Variants in UNC5C observed in about 807,000 individuals in gnomAD.
The protein encoded by UNC5C is unc-5 netrin receptor C.
A neutral mutation model predicts 99.8 loss-of-function variants in UNC5C; 47 were observed. That is an observed-to-expected ratio of 0.47 (90% confidence interval 0.37 to 0.60). The LOEUF (loss-of-function observed/expected upper bound fraction) is 0.60. UNC5C is among the 20% of genes least tolerant of loss of function. The pLI is 0.00. For missense variants in UNC5C, 1,062 were observed against 1,165.9 expected, an observed-to-expected ratio of 0.91 and a Z score of 1.30; for synonymous variants, 487 against 452.2, an observed-to-expected ratio of 1.08 and a Z score of -0.98.
intron 1 of UNC5C, among the ~76,000 whole-genome samples, chr4:95,401,314 T>G (rs1018690094): frequency 1.1e-4 from 16 of 152,116 alleles, no homozygotes; most frequent in Non-Finnish European, 2.2e-4. Flanking sequence ...TTTTTATTTT[T>G]TTGAGACAGA....
At chr4:95,526,944 G>A (rs1471907275) in intron 1 of UNC5C, among the ~76,000 whole-genome samples, 1 of 152,014 alleles carries the variant, frequency 6.6e-6, no homozygotes, top group East Asian at 1.9e-4. Context: ...AAAAGAATAT[G>A]TAGCACTAAA....
At chr4:95,209,902 T>C (rs2149363633) in intron 10 of UNC5C, among the ~76,000 whole-genome samples, 1 of 152,344 alleles carries the variant, frequency 6.6e-6, no homozygotes, top group South Asian at 2.1e-4. Flanking sequence ...GTTACAAGTG[T>C]ACCTTGAGAA....
intron 2 of UNC5C, among the ~76,000 whole-genome samples, chr4:95,302,882 A>G (rs35418982): frequency 6.6e-6 from 1 of 152,186 alleles, no homozygotes; most frequent in East Asian, 1.9e-4. Flanking sequence ...TATCATGTTA[A>G]CAATGCATTA....
intron 1 of UNC5C, among the ~76,000 whole-genome samples, chr4:95,374,091 G>C (rs963657450): frequency 1.4e-4 from 21 of 152,064 alleles, no homozygotes; most frequent in Non-Finnish European, 2.1e-4. Context: ...GGAAGGAGAT[G>C]TCAAAGCAAC....
chr4:95,203,638 T>A (rs1378261421), intron 11 of UNC5C, among the ~76,000 whole-genome samples: 1 of 151,858 alleles, frequency 6.6e-6, no homozygotes, highest in Non-Finnish European at 1.5e-5. Context: ...CCTGGCTAAT[T>A]TTTTTTGATA....
At position 95,357,135 on chromosome 4, in the gene UNC5C, G is replaced by GT. The variant is rs33936765; in HGVS notation, c.125-21505dup. ...CTGATTTCTTGTTTTCCTTTTTTTT[G>GT]TTTTTTTTTTTATTTAAAGACATGG... On this transcript the variant is annotated intron_variant, in intron 1 of 15. Transcript: ENST00000453304. 2.9e-3 allele frequency among the ~76,000 whole-genome samples: 421 copies of GT among 146,030 alleles called. 5 individuals are homozygous for GT. Among genetic ancestry groups the GT allele is most frequent in the African/African-American group, 7.9e-3 (315 of 39,902 alleles).
chr4:95,399,270 C>T (rs1013431315), intron 1 of UNC5C, among the ~76,000 whole-genome samples: 2 of 152,080 alleles, frequency 1.3e-5, no homozygotes, highest in Admixed American at 6.5e-5. Flanking sequence ...TGATTAAATA[C>T]CAATTACTTT....
At chr4:95,420,929 C>T (rs1746301105) in intron 1 of UNC5C, among the ~76,000 whole-genome samples, 1 of 152,154 alleles carries the variant, frequency 6.6e-6, no homozygotes, top group Non-Finnish European at 1.5e-5. Flanking sequence ...AAGCCTAAAA[C>T]CAAGGCCTTC....
intron 3 of UNC5C, 131 bp downstream of exon 3, chr4:95,301,475 G>T (rs1038318841): frequency 4.7e-6 from 6 of 1,273,876 alleles, no homozygotes; most frequent in Admixed American, 2.1e-5. Flanking sequence ...GATTACAGGC[G>T]TGAGTCACCG....
intron 4 of UNC5C, among the ~76,000 whole-genome samples, chr4:95,273,070 T>G (rs1740717582): frequency 6.6e-6 from 1 of 152,260 alleles, no homozygotes; most frequent in Admixed American, 6.5e-5. Context: ...GTTCCCTGTT[T>G]ATCACGACTA....
At chr4:95,531,362 T>C (rs986869013) in intron 1 of UNC5C, among the ~76,000 whole-genome samples, 1 of 152,224 alleles carries the variant, frequency 6.6e-6, no homozygotes, top group Non-Finnish European at 1.5e-5. Context: ...TTCAGGCTGC[T>C]TGATTACAAA....
intron 1 of UNC5C, among the ~76,000 whole-genome samples, chr4:95,466,686 A>C (rs535801334): frequency 6.6e-6 from 1 of 152,250 alleles, no homozygotes; most frequent in African/African-American, 2.4e-5. Flanking sequence ...TACGAGAAAA[A>C]AAAAATCCCA....
At chr4:95,177,687 T>A (rs80219271) in intron 14 of UNC5C, among the ~76,000 whole-genome samples, 6,825 of 152,116 alleles carry the variant, frequency 0.045, 268 homozygotes, top group African/African-American at 0.099. Context: ...TATATATATG[T>A]ATTTAGAGAC....
At chr4:95,545,263 T>C (rs1185640686) in intron 1 of UNC5C, among the ~76,000 whole-genome samples, 5 of 152,224 alleles carry the variant, frequency 3.3e-5, no homozygotes, top group African/African-American at 7.2e-5. Flanking sequence ...TAATGATTCC[T>C]AATTCTTTGC....
chr4:95,371,289 A>C (rs530108821), intron 1 of UNC5C, among the ~76,000 whole-genome samples: 4 of 152,328 alleles, frequency 2.6e-5, no homozygotes, highest in African/African-American at 9.6e-5. Flanking sequence ...GAAACATAAA[A>C]GATGAGAAAA....
chr4:95,238,554 A>C (rs1004367773), intron 7 of UNC5C, among the ~76,000 whole-genome samples: 4 of 152,114 alleles, frequency 2.6e-5, no homozygotes, highest in African/African-American at 9.7e-5. Flanking sequence ...TCTTATTTTA[A>C]GGAACCAATT....
chr4:95,184,974 C>T (rs41275685), intron 13 of UNC5C, 73 bp downstream of exon 13: 21,081 of 1,415,246 alleles, frequency 0.015, 199 homozygotes, highest in Non-Finnish European at 0.018. Flanking sequence ...AAGGGGATTT[C>T]CTATGTCTAT....
chr4:95,447,193 T>C (rs1488114259), intron 1 of UNC5C, among the ~76,000 whole-genome samples: 1 of 152,154 alleles, frequency 6.6e-6, no homozygotes, highest in Admixed American at 6.5e-5. Context: ...ATATATGTAT[T>C]GTTATAAAAT....
intron 1 of UNC5C, among the ~76,000 whole-genome samples, chr4:95,541,892 T>G (rs1340324002): frequency 6.6e-6 from 1 of 152,140 alleles, no homozygotes. Context: ...ATTAAGAGAT[T>G]GACTAAAACT....
Sources: gnomAD v4.1 joint callset for allele counts (sites outside exome capture counted in the v4.1 genomes callset) on GRCh38, gnomAD v4.1.1 for gene constraint, MANE v1.5 for transcripts, NCBI Gene and HGNC (gene_info 2026-07-23, HGNC 2026-07-21) for gene names.